Variants in B3GLCT observed in about 807,000 individuals in gnomAD.
The protein encoded by B3GLCT is beta 3-glucosyltransferase, also known as beta-1,3-glucosyltransferase.
Under a neutral mutation model 63.4 loss-of-function variants are expected in B3GLCT, and 65 were observed. That is an observed-to-expected ratio of 1.03 (90% confidence interval 0.84 to 1.26). B3GLCT has a LOEUF of 1.26. Ranked by LOEUF, B3GLCT falls within the 50% of genes most tolerant of loss-of-function variation. The pLI, the probability that B3GLCT is intolerant of heterozygous loss-of-function variation, is 0.00. For synonymous variants in B3GLCT, 233 were observed against 219.2 expected (o/e 1.06, Z -0.55); for missense variants, 577 against 604.8 (o/e 0.95, Z 0.48).
chr13:31,205,977 A>G (rs1490228210), intron 1 of B3GLCT, among the ~76,000 whole-genome samples: 4 of 152,240 alleles, frequency 2.6e-5, no homozygotes, highest in East Asian at 1.9e-4. Context: ...AGAATATTTT[A>G]TGTAGCTGAA....
intron 1 of B3GLCT, among the ~76,000 whole-genome samples, chr13:31,200,716 G>T (rs943802976): frequency 6.6e-6 from 1 of 152,004 alleles, no homozygotes; most frequent in African/African-American, 2.4e-5. Flanking sequence ...GCGCCCCTCC[G>T]CAGGGCCTTC....
At chr13:31,224,689 A>G (rs1035627839) in intron 3 of B3GLCT, among the ~76,000 whole-genome samples, 3 of 152,124 alleles carry the variant, frequency 2.0e-5, no homozygotes, top group Non-Finnish European at 4.4e-5. Context: ...TATTCTCACC[A>G]AGTAAACATA....
At chr13:31,216,231 A>G (rs528110471) in intron 2 of B3GLCT, among the ~76,000 whole-genome samples, 2 of 152,274 alleles carry the variant, frequency 1.3e-5, no homozygotes, top group East Asian at 3.9e-4. Flanking sequence ...ATTTCTTACG[A>G]TTTTAGGACC....
At chr13:31,300,492 A>G (rs1041897575) in intron 12 of B3GLCT, among the ~76,000 whole-genome samples, 3 of 152,226 alleles carry the variant, frequency 2.0e-5, no homozygotes, top group Admixed American at 1.3e-4. Context: ...TACTTAAAGT[A>G]GTCTCACTGA....
At chr13:31,202,616 T>G (rs1323572708) in intron 1 of B3GLCT, among the ~76,000 whole-genome samples, 2 of 152,212 alleles carry the variant, frequency 1.3e-5, no homozygotes, top group African/African-American at 4.8e-5. Flanking sequence ...GTGAGACATT[T>G]CTCAGTGGCC....
chr13:31,253,618 A>AAAAC lies in B3GLCT; in HGVS notation c.459+5653_459+5656dup, dbSNP rs1555249041. 6.2e-4 allele frequency among the ~76,000 whole-genome samples: 51 copies of AAAAC among 82,314 alleles called. 10 individuals carry two copies. Among genetic ancestry groups the AAAAC allele is most frequent in the African/African-American group, 2.3e-3 (47 of 20,480 alleles). The allele number at this position is 82,314 out of a possible 152,430, so 54.0% of individuals were successfully genotyped here. ...CTCAAAAAAAAAAAAAAAAAAAAAA[A>AAAAC]AAACTAGAGAAGCAAGAGCAAGCAA... On this transcript the variant is annotated intron_variant, in intron 6 of 14. Coordinates refer to ENST00000343307, the MANE Select transcript of B3GLCT (RefSeq NM_194318.4).
chr13:31,292,697 C>G (rs1873731638), intron 12 of B3GLCT, among the ~76,000 whole-genome samples: 1 of 81,396 alleles, frequency 1.2e-5, no homozygotes, highest in African/African-American at 3.0e-5. Context: ...TTATTCTTCT[C>G]TCTTTTTTTT....
intron 1 of B3GLCT, among the ~76,000 whole-genome samples, chr13:31,214,503 A>C (rs1242196223): frequency 6.6e-6 from 1 of 152,180 alleles, no homozygotes; most frequent in Non-Finnish European, 1.5e-5. Flanking sequence ...TCCCGGCCCC[A>C]TTGCCTTAGT....
At chr13:31,244,014 G>T (rs901264103) in intron 4 of B3GLCT, among the ~76,000 whole-genome samples, 1 of 152,156 alleles carries the variant, frequency 6.6e-6, no homozygotes, top group Non-Finnish European at 1.5e-5. Context: ...TACCTTTTAG[G>T]TTTGAAATAG....
chr13:31,312,747 G>A (rs917322901), intron 12 of B3GLCT: 1 of 152,124 alleles, frequency 6.6e-6, no homozygotes, highest in Non-Finnish European at 1.5e-5. Context: ...TAATAAAACT[G>A]AGTTGGAAAA....
At chr13:31,274,666 GA>G in intron 9 of B3GLCT, 38 bp downstream of exon 9, 1 of 1,610,362 alleles carries the variant, frequency 6.2e-7, no homozygotes, top group Non-Finnish European at 8.5e-7. Flanking sequence ...CATATCAAAG[GA>G]AAAATTTAGA....
At chr13:31,324,947 T>A (rs1353044453) in intron 14 of B3GLCT, among the ~76,000 whole-genome samples, 1 of 152,146 alleles carries the variant, frequency 6.6e-6, no homozygotes, top group Non-Finnish European at 1.5e-5. Context: ...ACTCAAGCGA[T>A]CCTCCCACCT....
chr13:31,236,563 T>C (rs1870655610), intron 4 of B3GLCT, among the ~76,000 whole-genome samples: 1 of 152,220 alleles, frequency 6.6e-6, no homozygotes, highest in Admixed American at 6.5e-5. Flanking sequence ...GGTCGGTTAT[T>C]GTTCTGAAAT....
intron 6 of B3GLCT, among the ~76,000 whole-genome samples, chr13:31,252,875 A>G (rs910299135): frequency 1.3e-5 from 2 of 152,244 alleles, no homozygotes; most frequent in African/African-American, 2.4e-5. Context: ...ACAGACATCT[A>G]CAGAACTCGC....
In B3GLCT at chr13:31,284,658, T is replaced by G; in HGVS notation, c.861T>G (p.Val287=). 3 of 1,597,182 alleles carry G rather than the reference T, an allele frequency of 1.9e-6. No individual in the cohort carries two copies. The African/African-American group carries it at 4.0e-5, about 21-fold the overall frequency. ...KKFHGDRIPI[V]KQTWESQASL... is the part of the protein sequence containing the mutation. ...CTGTAATTTTTTCAGTACCTATTGT[T>G]AAGCAGACTTGGGAGAGCCAGGCAA... The change falls in exon 11 of 15, where the codon GTT becomes GTG. Residue 287 remains valine (V), a synonymous_variant. Transcript: ENST00000343307.
At chr13:31,201,010 TAA>T (rs11463665) in intron 1 of B3GLCT, among the ~76,000 whole-genome samples, 12 of 143,372 alleles carry the variant, frequency 8.4e-5, no homozygotes, top group African/African-American at 2.3e-4. Context: ...TGATAAAAGT[TAA>T]AAAAAAAAAA....
At chr13:31,231,689 G>A (rs1870388015) in intron 4 of B3GLCT, among the ~76,000 whole-genome samples, 1 of 152,184 alleles carries the variant, frequency 6.6e-6, no homozygotes, top group Admixed American at 6.5e-5. Context: ...CAGTGTTCCT[G>A]GGACTTGGTT....
chr13:31,276,790 A>G lies in B3GLCT; in HGVS notation c.850+19A>G. 6.3e-7 allele frequency: 1 copy of G among 1,575,670 alleles called. No homozygotes were observed. On this transcript the variant is annotated intron_variant, in intron 10 of 14. Transcript: ENST00000343307. ...GACAGAAGTATGTTTTGGGTTATTC[A>G]TTTTATTGAACGCTAAAATCCAGAC...
chr13:31,274,689 A>G (rs973735804), intron 9 of B3GLCT, 61 bp downstream of exon 9: 25 of 1,582,700 alleles, frequency 1.6e-5, no homozygotes, highest in Middle Eastern at 1.7e-4. Context: ...GCTGTGCATA[A>G]TGTCATCCTA....
Sources: allele counts gnomAD v4.1 joint callset (sites outside exome capture counted in the v4.1 genomes callset), GRCh38; gene constraint gnomAD v4.1.1; transcripts MANE v1.5; gene names NCBI Gene and HGNC (gene_info 2026-07-23, HGNC 2026-07-21).